Variants in MAST4 observed in about 807,000 individuals in gnomAD.
The protein encoded by MAST4 is microtubule associated serine/threonine kinase family member 4.
Under a neutral mutation model 162.7 loss-of-function variants are expected in MAST4, and 89 were observed. The observed-to-expected ratio is 0.55, with a 90% CI of 0.46 to 0.65. The LOEUF (loss-of-function observed/expected upper bound fraction) is 0.65. Ranked by LOEUF, MAST4 falls within the 30% of genes least tolerant of loss-of-function variation. The pLI is 0.00. For missense variants in MAST4, 3,153 were observed against 3,374.0 expected (o/e 0.93, Z 1.62); for synonymous variants, 1,479 against 1,361.1 (o/e 1.09, Z -1.91).
In MAST4 at chr5:66,596,455, C is replaced by T; in HGVS notation, c.-201C>T. The T allele has an allele frequency of 3.5e-6, 2 of 570,070 alleles. No individual in the cohort carries two copies. Among genetic ancestry groups the T allele is most frequent in the South Asian group, 8.2e-5 (1 of 12,166 alleles). 35.3% of individuals were successfully genotyped at this position (570,070 alleles called of 1,614,324 possible). ...CCCCGCGCGCGGGAGCCTCCGTTTG[C>T]GGCCGGGCCCGGGCGGCTGTGAACT... is the stretch of plus-strand genomic sequence containing the variant. On this transcript the variant is annotated 5_prime_UTR_variant, in exon 1 of 29. Coordinates refer to ENST00000403625, the MANE Select transcript of MAST4 (RefSeq NM_001164664.2).
At position 67,130,327 on chromosome 5, in the gene MAST4, C is replaced by G; in HGVS notation, c.1863C>G (p.Ile621Met). The stretch of plus-strand genomic sequence containing the variant: ...AGCAGGCCTTTGTGGAGCGGGATAT[C>G]CTGACTTTTGCAGAAAACCCCTTTG... Reference protein sequence around the residue: ...QIQQAFVERDILTFAENPFVV... With the variant: ...QIQQAFVERDMLTFAENPFVV... Residue 621 changes from isoleucine (I) to methionine (M), a missense_variant, in exon 15 of 29, where the codon ATC becomes ATG. This residue lies in a region of MAST4 where 131 missense variants were observed against 253.8 expected (regional missense o/e 0.52). Transcript: ENST00000403625. The G allele has an allele frequency of 1.2e-6, 2 of 1,613,968 alleles. No individual in the cohort carries two copies. The highest frequency in any genetic ancestry group is 1.7e-6 in the Non-Finnish European group (2 of 1,179,882).
intron 3 of MAST4, among the ~76,000 whole-genome samples, chr5:66,827,610 ACTTC>A (rs1168289143): frequency 6.6e-6 from 1 of 152,228 alleles, no homozygotes; most frequent in Non-Finnish European, 1.5e-5. Flanking sequence ...ACCACTAGAC[ACTTC>A]CTTCCCCTCT....
At chr5:66,785,026 C>T (rs530638997) in intron 2 of MAST4, among the ~76,000 whole-genome samples, 38 of 152,188 alleles carry the variant, frequency 2.5e-4, no homozygotes, top group African/African-American at 8.7e-4. Context: ...TTGCAGTGAG[C>T]CGAGATTGTG....
At chr5:66,852,543 A>G (rs1231204982) in intron 3 of MAST4, among the ~76,000 whole-genome samples, 17 of 152,178 alleles carry the variant, frequency 1.1e-4, no homozygotes, top group Admixed American at 8.5e-4. Flanking sequence ...ACAAATCTGT[A>G]TCTCCTTGGC....
In MAST4 at chr5:67,041,131, G is replaced by A. The variant is rs535672157; in HGVS notation, c.675-13273G>A. Among the ~76,000 whole-genome samples, 67 of 152,274 alleles carry A rather than the reference G, an allele frequency of 4.4e-4. No homozygotes were observed. In the South Asian group the frequency reaches 0.013, roughly 31 times the overall value. ...CATGAAGCTAATAAGAAGGTTGTCT[G>A]GGGACCATGGTAGCAGAGCAAGATT... On this transcript the variant is annotated intron_variant, in intron 4 of 28. Transcript: ENST00000403625.
At chr5:66,879,760 G>A (rs984171710) in intron 3 of MAST4, among the ~76,000 whole-genome samples, 1 of 152,232 alleles carries the variant, frequency 6.6e-6, no homozygotes, top group African/African-American at 2.4e-5. Flanking sequence ...CAATTCACCA[G>A]CCTTGGCCTC....
chr5:66,725,966 T>G lies in MAST4; in HGVS notation c.364-33743T>G, dbSNP rs57098301. 8.6e-3 allele frequency among the ~76,000 whole-genome samples: 1,316 copies of G among 152,240 alleles called. 25 individuals carry two copies. Among genetic ancestry groups the G allele is most frequent in the African/African-American group, 0.03 (1,255 of 41,558 alleles). ...AACAGACAAATAATTTAGCTGGCAT[T>G]CCTGGTTGTGGAGATACACACAAAC... On this transcript the variant is annotated intron_variant, in intron 1 of 28. Coordinates refer to ENST00000403625, the MANE Select transcript of MAST4 (RefSeq NM_001164664.2).
chr5:66,944,866 CCTT>C (rs1242068789), intron 4 of MAST4, among the ~76,000 whole-genome samples: 1 of 152,084 alleles, frequency 6.6e-6, no homozygotes, highest in Non-Finnish European at 1.5e-5. Context: ...TGATGCTTCC[CCTT>C]CTTTTAAAGG....
At chr5:66,809,861 G>C (rs1298819310) in intron 3 of MAST4, among the ~76,000 whole-genome samples, 1 of 152,106 alleles carries the variant, frequency 6.6e-6, no homozygotes, top group African/African-American at 2.4e-5. Flanking sequence ...TCAGCTTCCC[G>C]AGTAGCTGGG....
intron 1 of MAST4, among the ~76,000 whole-genome samples, chr5:66,694,479 T>G (rs1749263385): frequency 6.6e-6 from 1 of 152,192 alleles, no homozygotes; most frequent in African/African-American, 2.4e-5. Context: ...TTTTTTTCTT[T>G]TTTTCTTTCT....
At chr5:66,806,268 G>A (rs1756181392) in intron 3 of MAST4, among the ~76,000 whole-genome samples, 9 of 152,224 alleles carry the variant, frequency 5.9e-5, no homozygotes, top group Admixed American at 4.6e-4. Flanking sequence ...AGCAGGGAGA[G>A]GCTTGGGCAG....
intron 1 of MAST4, among the ~76,000 whole-genome samples, chr5:66,757,823 CAGAA>C (rs1753633990): frequency 1.3e-5 from 2 of 151,868 alleles, no homozygotes; most frequent in African/African-American, 4.8e-5. Flanking sequence ...TAAAAATTGG[CAGAA>C]AAAATAATTG....
chr5:66,909,728 G>C (rs764909899), intron 4 of MAST4, among the ~76,000 whole-genome samples: 2 of 152,166 alleles, frequency 1.3e-5, no homozygotes, highest in Non-Finnish European at 2.9e-5. Context: ...GCGTTTGGCT[G>C]TGTCTCCACC....
In MAST4 at chr5:67,164,465, A is replaced by G. The variant is rs747988085; in HGVS notation, c.5286A>G (p.Thr1762=). 1 of 1,613,910 alleles carries G rather than the reference A, an allele frequency of 6.2e-7. No homozygotes were observed. Among genetic ancestry groups the G allele is most frequent in the Non-Finnish European group, 8.5e-7 (1 of 1,179,908 alleles). ...CTTTTGTTCCCCTCAAGGCCTTAAC[A>G]GGCCGGGTGGACAGTGGAACGGAGA... ...AVSFVPLKAL[T]GRVDSGTEKP... The change falls in exon 29 of 29, where the codon ACA becomes ACG. Residue 1762 remains threonine, a synonymous_variant. Coordinates refer to ENST00000403625, the MANE Select transcript of MAST4 (RefSeq NM_001164664.2). This position sits in a 1 kb window ranked among gnomAD's most constrained non-coding sequence, Gnocchi z 5.3.
intron 3 of MAST4, among the ~76,000 whole-genome samples, chr5:66,865,362 G>C (rs558074517): frequency 1.3e-5 from 2 of 152,206 alleles, no homozygotes; most frequent in African/African-American, 4.8e-5. Context: ...TTTTTCAGAG[G>C]TAGGGTGGGC....
intron 4 of MAST4, among the ~76,000 whole-genome samples, chr5:66,947,349 C>G (rs1744164441): frequency 6.6e-6 from 1 of 152,094 alleles, no homozygotes. Flanking sequence ...TTCTTTTCTT[C>G]CTGTGCCCTA....
chr5:67,066,417 T>C (rs950489125), intron 5 of MAST4, among the ~76,000 whole-genome samples: 1 of 150,920 alleles, frequency 6.6e-6, no homozygotes, highest in Non-Finnish European at 1.5e-5. Context: ...CATAAATTTA[T>C]ATAAATATGA....
intron 4 of MAST4, among the ~76,000 whole-genome samples, chr5:66,984,679 A>G: frequency 6.8e-6 from 1 of 148,004 alleles, no homozygotes; most frequent in East Asian, 2.1e-4. Context: ...AAATAGTGAA[A>G]TTGGAGAGAA....
intron 4 of MAST4, among the ~76,000 whole-genome samples, chr5:66,951,632 G>GTGTGTGTGTGTGTATGTA (rs1561473229): frequency 7.5e-6 from 1 of 133,480 alleles, no homozygotes; most frequent in Admixed American, 7.4e-5. Flanking sequence ...GTGTGTGTGT[G>GTGTGTGTGTGTGTATGTA]TGTGTGTGTG....
Sources: allele counts gnomAD v4.1 joint callset (sites outside exome capture counted in the v4.1 genomes callset), GRCh38; gene constraint gnomAD v4.1.1; regional missense constraint gnomAD v4.1.1; non-coding constraint Gnocchi (gnomAD v3.1); transcripts MANE v1.5; gene names NCBI Gene and HGNC (gene_info 2026-07-23, HGNC 2026-07-21).